Variants in CCDC83 observed in about 807,000 individuals in gnomAD.
CCDC83 encodes coiled-coil domain containing 83.
A neutral mutation model predicts 50.1 loss-of-function variants in CCDC83; 54 were observed. The ratio of observed to expected loss-of-function variants is 1.08; its 90% CI spans 0.87 to 1.35. CCDC83 has a LOEUF of 1.35. Among genes scored for constraint, CCDC83 ranks in the 40% most tolerant of loss-of-function variants. CCDC83 has a pLI of 0.00. For synonymous variants in CCDC83, 161 were observed against 153.3 expected (o/e 1.05, Z -0.37); for missense variants, 518 against 473.9 (o/e 1.09, Z -0.86).
At position 85,895,282 on chromosome 11, in the gene CCDC83, T is replaced by C; in HGVS notation, c.512-11T>C. On this transcript the variant is annotated splice_polypyrimidine_tract_variant and intron_variant, in intron 5 of 10. Transcript: ENST00000342404. Reference sequence around the variant, plus strand: ...TAATTTTCTTTTTTTTTTTTTTTTTTTTTTTTAAAGAACACTATAAAATCA... The same window carrying C: ...TAATTTTCTTTTTTTTTTTTTTTTTCTTTTTTAAAGAACACTATAAAATCA... 1 of 893,366 alleles carries C rather than the reference T, an allele frequency of 1.1e-6. No individual in the cohort carries two copies. The highest frequency in any genetic ancestry group is 1.8e-5 in the South Asian group (1 of 55,550). The allele number at this position is 893,366 out of a possible 1,614,324, so 55.3% of individuals were successfully genotyped here. A position where few individuals can be genotyped will look rare whatever the true frequency, so the allele number is the denominator to read the frequency against.
chr11:85,855,090 G>A (rs1197148016), upstream of CCDC83: 2 of 152,318 alleles, frequency 1.3e-5, no homozygotes, highest in Non-Finnish European at 2.9e-5. Flanking sequence ...GGAGGACGTC[G>A]GTTGCCTTGG....
intron 2 of CCDC83, among the ~76,000 whole-genome samples, chr11:85,869,977 C>T (rs963682664): frequency 6.6e-6 from 1 of 152,160 alleles, no homozygotes; most frequent in African/African-American, 2.4e-5. Flanking sequence ...TCTCAGAATT[C>T]CCCACTGAGG....
rs549686377 is a variant in CCDC83 at position 85,917,423 on chromosome 11, T to A, written c.1080+1190T>A. Among the ~76,000 whole-genome samples the A allele has an allele frequency of 9.2e-5, 14 of 152,310 alleles. No individual in the cohort carries two copies. The South Asian group carries it at 2.7e-3, about 29-fold the overall frequency. On this transcript the variant is annotated intron_variant, in intron 10 of 10. Transcript: ENST00000342404. ...AAGGGGAAGGAACATAGCTCCTACATCTTGATGGAGGAAGGTCAGTATCAC... is the reference window on the plus strand; with the variant it reads ...AAGGGGAAGGAACATAGCTCCTACAACTTGATGGAGGAAGGTCAGTATCAC...
At chr11:85,862,050 T>A (rs556737481) in intron 1 of CCDC83, among the ~76,000 whole-genome samples, 1 of 144,916 alleles carries the variant, frequency 6.9e-6, no homozygotes, top group Admixed American at 6.9e-5. Context: ...GCTTTCTAGA[T>A]ACTGAGCCAG....
rs1457770067 is a variant in CCDC83 at position 85,919,366 on chromosome 11, C to T, written c.1098C>T (p.Gly366=). The part of the protein sequence containing the change: ...EKDFKDYVNL[G]PLGVKLMSVE... ...CACCATAGGATTATGTAAACTTGGG[C>T]CCCCTGGGAGTGAAGCTTATGAGTG... The change falls in exon 11 of 11, where the codon GGC becomes GGT. Residue 366 remains glycine, a synonymous_variant. Coordinates refer to ENST00000342404, the MANE Select transcript of CCDC83 (RefSeq NM_001286159.2). The T allele has an allele frequency of 1.9e-6, 3 of 1,600,202 alleles. No individual in the cohort carries two copies. In the African/African-American group the frequency reaches 4.1e-5, roughly 22 times the overall value.
chr11:85,916,143 T>C lies in CCDC83; in HGVS notation c.990T>C (p.Tyr330=). ...AAAATAGCATCGAAGATCTCCAGTA[T>C]GTGAAGATAGATAAAGAGGAAAACT... ...SHENSIEDLQ[Y]VKIDKEENSG... Residue 330 remains tyrosine, a synonymous_variant, in exon 10 of 11, where the codon TAT becomes TAC. Transcript: ENST00000342404. The C allele has an allele frequency of 1.2e-6, 2 of 1,612,222 alleles. No individual in the cohort carries two copies. Among genetic ancestry groups the C allele is most frequent in the Non-Finnish European group, 1.7e-6 (2 of 1,178,416 alleles).
intron 10 of CCDC83, 115 bp downstream of exon 10, chr11:85,916,348 A>G (rs2093477232): frequency 1.2e-6 from 1 of 822,046 alleles, no homozygotes; most frequent in Non-Finnish European, 2.0e-6. Flanking sequence ...ATTTGCAATT[A>G]TTAGTAAAAT....
At chr11:85,909,609 C>CCT (rs2093443183) in intron 7 of CCDC83, among the ~76,000 whole-genome samples, 1 of 57,706 alleles carries the variant, frequency 1.7e-5, no homozygotes, top group Non-Finnish European at 3.2e-5. Context: ...TCAAAATACA[C>CCT]TTTTTTTTTT....
At chr11:85,858,602 G>T (rs1046068191) in intron 1 of CCDC83, among the ~76,000 whole-genome samples, 6 of 152,162 alleles carry the variant, frequency 3.9e-5, no homozygotes, top group Non-Finnish European at 8.8e-5. Flanking sequence ...GTCATGATAG[G>T]GGTACAAGGG....
intron 3 of CCDC83, among the ~76,000 whole-genome samples, chr11:85,875,255 G>A (rs940997548): frequency 3.9e-5 from 6 of 152,226 alleles, no homozygotes; most frequent in Non-Finnish European, 7.3e-5. Flanking sequence ...GGTGAAGGAT[G>A]AGGACCAATC....
At chr11:85,908,630 G>A (rs912583291) in intron 7 of CCDC83, among the ~76,000 whole-genome samples, 4 of 151,892 alleles carry the variant, frequency 2.6e-5, no homozygotes, top group African/African-American at 4.8e-5. Context: ...ATTCATGGCC[G>A]GGTGGCTCAT....
At chr11:85,876,911 C>T (rs762685922) in intron 3 of CCDC83, among the ~76,000 whole-genome samples, 1 of 152,040 alleles carries the variant, frequency 6.6e-6, no homozygotes, top group Non-Finnish European at 1.5e-5. Flanking sequence ...ACTGAATATC[C>T]TTTTTCCATT....
intron 1 of CCDC83, among the ~76,000 whole-genome samples, chr11:85,860,115 C>T (rs1211068632): frequency 1.6e-4 from 24 of 151,842 alleles, no homozygotes; most frequent in Non-Finnish European, 3.2e-4. Flanking sequence ...GGTGAAACCC[C>T]GACTCTACTA....
intron 7 of CCDC83, among the ~76,000 whole-genome samples, chr11:85,899,606 C>T (rs1592177891): frequency 6.6e-6 from 1 of 152,298 alleles, no homozygotes; most frequent in Non-Finnish European, 1.5e-5. Flanking sequence ...ATCTTGGGAG[C>T]TCCTTCCCCA....
At chr11:85,868,037 T>C (rs943328027) in intron 2 of CCDC83, among the ~76,000 whole-genome samples, 1 of 152,166 alleles carries the variant, frequency 6.6e-6, no homozygotes, top group Non-Finnish European at 1.5e-5. Context: ...CCCTGGCGCC[T>C]CTTATATCTC....
At chr11:85,915,798 T>C (rs1161487840) in intron 9 of CCDC83, among the ~76,000 whole-genome samples, 3 of 152,212 alleles carry the variant, frequency 2.0e-5, no homozygotes, top group African/African-American at 7.2e-5. Flanking sequence ...CCAACCAAAA[T>C]GACAACATAT....
chr11:85,918,669 C>A (rs2093494105), intron 10 of CCDC83, among the ~76,000 whole-genome samples: 3 of 152,066 alleles, frequency 2.0e-5, no homozygotes, highest in Admixed American at 2.0e-4. Flanking sequence ...AGAAAAAAAA[C>A]CCACAAAATC....
At chr11:85,911,636 A>G (rs1335979204) in intron 8 of CCDC83, among the ~76,000 whole-genome samples, 1 of 152,228 alleles carries the variant, frequency 6.6e-6, no homozygotes, top group East Asian at 1.9e-4. Flanking sequence ...CACAATAGCC[A>G]GCACATAACA....
At chr11:85,884,546 C>G (rs2093317364) in intron 4 of CCDC83, among the ~76,000 whole-genome samples, 1 of 152,150 alleles carries the variant, frequency 6.6e-6, no homozygotes, top group South Asian at 2.1e-4. Flanking sequence ...GTCAAACTAG[C>G]CTAAGCATAA....
Sources: allele counts gnomAD v4.1 joint callset (sites outside exome capture counted in the v4.1 genomes callset), GRCh38; gene constraint gnomAD v4.1.1; transcripts MANE v1.5; gene names NCBI Gene and HGNC (gene_info 2026-07-23, HGNC 2026-07-21).